The following NRG3 variants were observed in gnomAD, a reference collection of about 807,000 sequenced individuals.
The protein encoded by NRG3 is pro-neuregulin-3, membrane-bound isoform.
NRG3 carries 31 observed loss-of-function variants against 66.9 expected under a neutral mutation model. That is an observed-to-expected ratio of 0.46 (90% CI 0.35 to 0.63). The LOEUF (loss-of-function observed/expected upper bound fraction) is 0.63, where lower values mean the gene tolerates loss of function less well. Among genes scored for constraint, NRG3 ranks in the 20% least tolerant of loss-of-function variants. The probability of loss-of-function intolerance (pLI) is 0.00; values close to 1 mark genes in which losing one functional copy is unlikely to be tolerated. For missense variants in NRG3, 910 were observed against 878.9 expected (o/e 1.04, Z -0.45); for synonymous variants, 393 against 359.4 (o/e 1.09, Z -1.06).
intron 6 of NRG3, among the ~76,000 whole-genome samples, chr10:82,960,413 A>C (rs1850516395): frequency 6.6e-6 from 1 of 152,028 alleles, no homozygotes; most frequent in Admixed American, 6.5e-5. Flanking sequence ...AATCAGTAAC[A>C]TGTTAGTGGA....
intron 2 of NRG3, among the ~76,000 whole-genome samples, chr10:82,692,541 G>C (rs1333360109): frequency 6.6e-6 from 1 of 152,198 alleles, no homozygotes; most frequent in African/African-American, 2.4e-5. Flanking sequence ...TCAGCAAAGA[G>C]AGGAGGTCCT....
chr10:81,950,509 C>T (rs1225832001), intron 1 of NRG3, among the ~76,000 whole-genome samples: 1 of 152,184 alleles, frequency 6.6e-6, no homozygotes, highest in Admixed American at 6.5e-5. Context: ...GTTCTTCCTA[C>T]TCCTTCATGC....
intron 1 of NRG3, among the ~76,000 whole-genome samples, chr10:82,054,842 TA>T (rs57587131): frequency 2.0e-5 from 3 of 150,722 alleles, no homozygotes; most frequent in Non-Finnish European, 4.4e-5. Context: ...CCCAGATCTA[TA>T]AAAAAAAATA....
At chr10:82,614,256 C>T (rs1007529660) in intron 2 of NRG3, among the ~76,000 whole-genome samples, 3 of 152,176 alleles carry the variant, frequency 2.0e-5, no homozygotes, top group African/African-American at 7.2e-5. Flanking sequence ...ACTCATATTT[C>T]ATGGGAGGCA....
At chr10:82,222,673 C>T (rs1047370593) in intron 1 of NRG3, among the ~76,000 whole-genome samples, 1 of 151,838 alleles carries the variant, frequency 6.6e-6, no homozygotes, top group Admixed American at 6.6e-5. Flanking sequence ...AACAAGTCAT[C>T]CCTGCAAGCT....
intron 2 of NRG3, among the ~76,000 whole-genome samples, chr10:82,702,099 A>G (rs1285998581): frequency 6.6e-6 from 1 of 152,194 alleles, no homozygotes; most frequent in Non-Finnish European, 1.5e-5. Flanking sequence ...CCCACAGCAC[A>G]GAAAACAGTG....
intron 1 of NRG3, among the ~76,000 whole-genome samples, chr10:82,097,175 T>G (rs1337761062): frequency 6.6e-6 from 1 of 151,990 alleles, no homozygotes; most frequent in African/African-American, 2.4e-5. Context: ...TTTCAGAATG[T>G]CATATGAATG....
chr10:82,622,201 C>G (rs1209263954), intron 2 of NRG3, among the ~76,000 whole-genome samples: 1 of 151,042 alleles, frequency 6.6e-6, no homozygotes, highest in Non-Finnish European at 1.5e-5. Context: ...TGCTATTTAT[C>G]ATAAAGGTAA....
At chr10:81,878,183 G>T in intron 1 of NRG3, 1 of 1,177,002 alleles carries the variant, frequency 8.5e-7, no homozygotes, top group Non-Finnish European at 1.2e-6. Context: ...TATTGACAGG[G>T]CCCTCAGCCC....
chr10:81,936,029 A>G (rs1312179124), intron 1 of NRG3, among the ~76,000 whole-genome samples: 1 of 152,108 alleles, frequency 6.6e-6, no homozygotes, highest in East Asian at 1.9e-4. Flanking sequence ...GGCGTGTTTC[A>G]GTTATGGTCC....
intron 1 of NRG3, among the ~76,000 whole-genome samples, chr10:81,931,991 A>C (rs1405970981): frequency 6.6e-6 from 1 of 152,136 alleles, no homozygotes; most frequent in Non-Finnish European, 1.5e-5. Context: ...AATACCTGAG[A>C]CTGGCTAATT....
At chr10:82,877,024 GAA>G (rs763600557) in intron 4 of NRG3, among the ~76,000 whole-genome samples, 18 of 94,406 alleles carry the variant, frequency 1.9e-4, no homozygotes, top group Admixed American at 3.3e-4. Context: ...ACTCTGCCAA[GAA>G]AAAAAAAAAA....
At chr10:82,590,020 T>G (rs966067529) in intron 2 of NRG3, among the ~76,000 whole-genome samples, 1 of 152,110 alleles carries the variant, frequency 6.6e-6, no homozygotes, top group African/African-American at 2.4e-5. Context: ...CTCCCACCCA[T>G]GTTAATTGCC....
intron 2 of NRG3, among the ~76,000 whole-genome samples, chr10:82,723,711 G>C (rs1400539335): frequency 6.6e-6 from 1 of 152,138 alleles, no homozygotes; most frequent in Non-Finnish European, 1.5e-5. Flanking sequence ...CAGGCGTGGT[G>C]GCTCACGCCT....
At chr10:82,551,131 G>C in intron 2 of NRG3, among the ~76,000 whole-genome samples, 1 of 152,186 alleles carries the variant, frequency 6.6e-6, no homozygotes, top group Middle Eastern at 3.4e-3. Context: ...ATCACAAATT[G>C]AGCTGACTTC....
chr10:82,164,384 T>C (rs2071867394), intron 1 of NRG3, among the ~76,000 whole-genome samples: 2 of 152,230 alleles, frequency 1.3e-5, no homozygotes, highest in Admixed American at 1.3e-4. Flanking sequence ...CTCTTCTTGC[T>C]ATTTACAAAT....
At chr10:82,981,727 A>G (rs546096361) in intron 8 of NRG3, among the ~76,000 whole-genome samples, 12 of 152,142 alleles carry the variant, frequency 7.9e-5, no homozygotes, top group Non-Finnish European at 1.8e-4. Flanking sequence ...ATTCTTGAGG[A>G]AACTTTGTCA....
intron 6 of NRG3, among the ~76,000 whole-genome samples, chr10:82,962,603 C>A (rs1850767298): frequency 6.6e-6 from 1 of 152,082 alleles, no homozygotes. Flanking sequence ...CTTTGGGAGG[C>A]CAAAGCAGGT....
intron 1 of NRG3, among the ~76,000 whole-genome samples, chr10:82,306,792 C>T (rs1564775286): frequency 7.0e-6 from 1 of 143,292 alleles, no homozygotes; most frequent in African/African-American, 2.6e-5. Flanking sequence ...TTTGATGGGA[C>T]AGGGAAGGGT....
Sources: allele counts gnomAD v4.1 joint callset (sites outside exome capture counted in the v4.1 genomes callset), GRCh38; gene constraint gnomAD v4.1.1; transcripts MANE v1.5; gene names NCBI Gene and HGNC (gene_info 2026-07-23, HGNC 2026-07-21).